CDH6: variants seen among roughly 807,000 people sequenced by gnomAD.
CDH6 encodes the protein cadherin-6.
A neutral mutation model predicts 78.0 loss-of-function variants in CDH6; 31 were observed. The ratio of observed to expected loss-of-function variants is 0.40; its 90% confidence interval spans 0.30 to 0.54. CDH6 has a LOEUF of 0.54. Among genes scored for constraint, CDH6 ranks in the 20% least tolerant of loss-of-function variants. CDH6 has a pLI of 0.56. For synonymous variants in CDH6, 376 were observed against 368.8 expected (o/e 1.02, Z -0.23); for missense variants, 724 against 975.9 (o/e 0.74, Z 3.44).
At chr5:31,242,709 G>GT (rs1001453381) in intron 1 of CDH6, among the ~76,000 whole-genome samples, 5 of 150,216 alleles carry the variant, frequency 3.3e-5, no homozygotes, top group African/African-American at 9.8e-5. Flanking sequence ...AATGGGGGGG[G>GT]GCGGTTAGAA....
chr5:31,314,347 T>C (rs1738245635), intron 8 of CDH6, among the ~76,000 whole-genome samples: 1 of 140,314 alleles, frequency 7.1e-6, no homozygotes. Flanking sequence ...TTTCAATGTT[T>C]AAAACTAGGC....
At position 31,267,525 on chromosome 5, in the gene CDH6, C is replaced by T; in HGVS notation, c.52C>T (p.Pro18Ser). 1 of 1,614,058 alleles carries T rather than the reference C, an allele frequency of 6.2e-7. No individual in the cohort carries two copies. The highest frequency in any genetic ancestry group is 8.5e-7 in the Non-Finnish European group (1 of 1,180,006). ...LLLFWVGQPY[P>S]TLSTPLSKRT... is the part of the protein sequence containing the mutation. ...GCTCTTTTGGGTGGGCCAGCCCTAC[C>T]CAACTCTCTCAACTCCACTATCAAA... The change falls in exon 2 of 12, where the codon CCA (proline) becomes TCA (serine). Residue 18 changes from proline to serine, a missense_variant. This residue lies in a region of CDH6 where 58 missense variants were observed against 50.8 expected (regional missense o/e 1.14). Coordinates refer to ENST00000265071, the MANE Select transcript of CDH6 (RefSeq NM_004932.4).
chr5:31,239,708 G>A (rs958961502), intron 1 of CDH6, among the ~76,000 whole-genome samples: 16 of 152,150 alleles, frequency 1.1e-4, no homozygotes, highest in Non-Finnish European at 2.2e-4. Context: ...CGCATGTGAT[G>A]AAAAGTGAAG....
intron 6 of CDH6, among the ~76,000 whole-genome samples, chr5:31,304,183 C>CA (rs113557018): frequency 0.025 from 3,612 of 145,118 alleles, 143 homozygotes; most frequent in African/African-American, 0.082. Context: ...ACAACAACAA[C>CA]AAAAAAAAAA....
intron 2 of CDH6, among the ~76,000 whole-genome samples, chr5:31,270,171 CGA>C (rs1742482180): frequency 6.6e-6 from 1 of 152,102 alleles, no homozygotes. Context: ...ACACCTGATG[CGA>C]TTATCCAGCT....
At chr5:31,197,876 A>G (rs1740213115) in intron 1 of CDH6, among the ~76,000 whole-genome samples, 2 of 152,186 alleles carry the variant, frequency 1.3e-5, no homozygotes. Flanking sequence ...TCCAAAGATT[A>G]ACTGGTCTAC....
chr5:31,293,231 T>C (rs1466848198), intron 2 of CDH6, among the ~76,000 whole-genome samples: 2 of 152,116 alleles, frequency 1.3e-5, no homozygotes, highest in African/African-American at 4.8e-5. Flanking sequence ...AGAAGGTCCT[T>C]TCCTATCTTA....
chr5:31,297,187 A>G, intron 3 of CDH6, 102 bp from the exon 4 acceptor site: 3 of 1,006,682 alleles, frequency 3.0e-6, no homozygotes, highest in South Asian at 1.4e-5. Flanking sequence ...CTTCCTCAGC[A>G]TGATATTTCC....
At chr5:31,213,153 C>T (rs1448026558) in intron 1 of CDH6, among the ~76,000 whole-genome samples, 4 of 152,140 alleles carry the variant, frequency 2.6e-5, no homozygotes, top group South Asian at 2.1e-4. Context: ...ATGCAAGCTA[C>T]ACCGCTGGCT....
intron 1 of CDH6, among the ~76,000 whole-genome samples, chr5:31,213,229 G>T (rs1020486022): frequency 5.9e-5 from 9 of 152,200 alleles, no homozygotes; most frequent in African/African-American, 2.2e-4. Flanking sequence ...AACAATGAAA[G>T]CGCAGAATTA....
chr5:31,228,678 A>G (rs556819000), intron 1 of CDH6, among the ~76,000 whole-genome samples: 2 of 152,320 alleles, frequency 1.3e-5, no homozygotes, highest in African/African-American at 4.8e-5. Flanking sequence ...CATACTCATA[A>G]GGAGCACGCA....
chr5:31,256,934 C>G (rs557324835), intron 1 of CDH6, among the ~76,000 whole-genome samples: 2 of 152,154 alleles, frequency 1.3e-5, no homozygotes. Flanking sequence ...TCTGAGATCA[C>G]AAGAGAAGAA....
chr5:31,287,642 G>A lies in CDH6; in HGVS notation c.229-6320G>A, dbSNP rs867560804. 3.3e-5 allele frequency among the ~76,000 whole-genome samples: 5 copies of A among 152,318 alleles called. No homozygotes were observed. In the South Asian group the frequency reaches 8.3e-4, roughly 25 times the overall value. On this transcript the variant is annotated intron_variant, in intron 2 of 11. Coordinates refer to ENST00000265071, the MANE Select transcript of CDH6 (RefSeq NM_004932.4). ...TTACACTCACCTCTTTCCCTTGCCTGTGTCCATGCTAGTAAGTACTATGAT... is the reference window on the plus strand; with the variant it reads ...TTACACTCACCTCTTTCCCTTGCCTATGTCCATGCTAGTAAGTACTATGAT...
rs1738406856 is a variant in CDH6, at chr5:31,319,110, G to T, written c.1882+1186G>T. On this transcript the variant is annotated intron_variant, in intron 11 of 11. Transcript: ENST00000265071. ...AGAGAAAGATATGAATGTTCTTTTT[G>T]ATCAAAAGGGTGATTTTTTAGAAGC... The T allele has an allele frequency of 3.9e-5, 7 of 180,664 alleles. No homozygotes were observed. In the East Asian group the frequency reaches 6.4e-4, roughly 17 times the overall value. The allele number at this position is 180,664 out of a possible 1,614,324, so 11.2% of individuals were successfully genotyped here. A position where few individuals can be genotyped will look rare whatever the true frequency, so the allele number is the denominator to read the frequency against.
rs538483207 is a variant in CDH6 at position 31,323,171 on chromosome 5, G to A, written c.2236G>A (p.Val746Met). The A allele has an allele frequency of 1.4e-5, 23 of 1,614,046 alleles. No homozygotes were observed. The highest frequency in any genetic ancestry group is 1.8e-5 in the Non-Finnish European group (21 of 1,180,036). Residue 746 changes from valine to methionine, a missense_variant, in exon 12 of 12, where the codon GTG becomes ATG. By Grantham distance (21) the Val-to-Met change is conservative. Coordinates refer to ENST00000265071, the MANE Select transcript of CDH6 (RefSeq NM_004932.4). The part of the protein sequence containing the change: ...ATYAYEGTGS[V>M]ADSLSSLESV... ...TTACGCCTATGAAGGCACTGGCTCCGTGGCGGATTCCCTGAGCTCGCTGGA... is the reference window on the plus strand; with the variant it reads ...TTACGCCTATGAAGGCACTGGCTCCATGGCGGATTCCCTGAGCTCGCTGGA...
At chr5:31,302,968 G>GAAAGAAAGAAAGAAAGAAAGAAAGA (rs1737871676) in intron 6 of CDH6, among the ~76,000 whole-genome samples, 5 of 119,022 alleles carry the variant, frequency 4.2e-5, no homozygotes, top group East Asian at 4.8e-4. Flanking sequence ...GGAAAGAAAA[G>GAAAGAAAGAAAGAAAGAAAGAAAGA]AAAGAAAGAA....
chr5:31,245,712 C>T (rs1741727228), intron 1 of CDH6, among the ~76,000 whole-genome samples: 1 of 152,060 alleles, frequency 6.6e-6, no homozygotes. Flanking sequence ...AGCCATGAAC[C>T]CAGTTATCTA....
intron 2 of CDH6, among the ~76,000 whole-genome samples, chr5:31,273,029 C>A (rs1742574455): frequency 6.6e-6 from 1 of 152,092 alleles, no homozygotes; most frequent in African/African-American, 2.4e-5. Flanking sequence ...TGAAGCCACT[C>A]TTCTCAAGAT....
intron 1 of CDH6, among the ~76,000 whole-genome samples, chr5:31,265,188 G>A (rs1016458725): frequency 6.6e-6 from 1 of 152,176 alleles, no homozygotes; most frequent in Non-Finnish European, 1.5e-5. Context: ...ATGAATAGAT[G>A]TCTTTAGAGG....
Sources: allele counts gnomAD v4.1 joint callset (sites outside exome capture counted in the v4.1 genomes callset), GRCh38; gene constraint gnomAD v4.1.1; regional missense constraint gnomAD v4.1.1; transcripts MANE v1.5; gene names NCBI Gene and HGNC (gene_info 2026-07-23, HGNC 2026-07-21).